Variants in MRPS2 observed in about 807,000 individuals in gnomAD.
The protein encoded by MRPS2 is small ribosomal subunit protein uS2m.
Under a neutral mutation model 18.9 loss-of-function variants are expected in MRPS2, and 13 were observed. That is an observed-to-expected ratio of 0.69 (90% CI 0.45 to 1.09). The LOEUF (loss-of-function observed/expected upper bound fraction) is 1.09. MRPS2 is among the 50% of genes least tolerant of loss of function. The pLI, the probability that MRPS2 is intolerant of heterozygous loss-of-function variation, is 0.00. For synonymous variants in MRPS2, 186 were observed against 178.4 expected (o/e 1.04, Z -0.34); for missense variants, 389 against 421.7 (o/e 0.92, Z 0.68).
chr9:135,500,695 G>A lies in MRPS2; in HGVS notation c.-16G>A, dbSNP rs1400837904. On this transcript the variant is annotated 5_prime_UTR_variant, in exon 1 of 4. Coordinates refer to ENST00000241600, the MANE Select transcript of MRPS2 (RefSeq NM_016034.5). Reference sequence around the variant, plus strand: ...CTGGCCTGGAGGGAGACCTCGCTCTGCCCCGCGTCCCAGCCATGGCGACAT... The same window carrying A: ...CTGGCCTGGAGGGAGACCTCGCTCTACCCCGCGTCCCAGCCATGGCGACAT... The A allele has an allele frequency of 1.4e-6, 2 of 1,466,822 alleles. No individual in the cohort carries two copies. The highest frequency in any genetic ancestry group is 2.8e-5 in the South Asian group (2 of 72,606). The allele number at this position is 1,466,822 out of a possible 1,614,324, so 90.9% of individuals were successfully genotyped here.
Position 135,503,973 on chromosome 9 carries a change from T to G in MRPS2, c.731T>G (p.Leu244Arg), listed in dbSNP as rs1221863078. The G allele has an allele frequency of 1.9e-6, 3 of 1,613,748 alleles. No individual in the cohort carries two copies. Among genetic ancestry groups the G allele is most frequent in the Non-Finnish European group, 2.5e-6 (3 of 1,180,032 alleles). ...YPVPGNDDSPLAVHLYCRLFQ... is the reference protein window; with the variant it reads ...YPVPGNDDSPRAVHLYCRLFQ... ...GTACCCGGCAATGACGACTCTCCGC[T>G]GGCTGTGCACCTCTACTGCAGGCTC... The change falls in exon 4 of 4, where the codon CTG (leucine) becomes CGG (arginine). Residue 244 changes from leucine to arginine, a missense_variant. Leu to Arg is a moderately radical substitution (Grantham distance 102, BLOSUM62 -2). Coordinates refer to ENST00000241600, the MANE Select transcript of MRPS2 (RefSeq NM_016034.5).
Position 135,501,402 on chromosome 9 carries a change from C to T in MRPS2, c.169+279C>T, listed in dbSNP as rs116581461. The T allele has an allele frequency of 3.7e-3, 4,665 of 1,256,220 alleles. 143 individuals carry two copies. The African/African-American group carries it at 0.061, about 17-fold the overall frequency. The allele number at this position is 1,256,220 out of a possible 1,614,324, so 77.8% of individuals were successfully genotyped here. A position where few individuals can be genotyped will look rare whatever the true frequency, so the allele number is the denominator to read the frequency against. On this transcript the variant is annotated intron_variant, in intron 2 of 3. Transcript: ENST00000241600. ...GGGGTGTCACTGGACCACCGAGGCC[C>T]GGAGCCCCGAGCTCGCCCAGGCGGG...
At chr9:135,499,969 T>C (rs1046774433), upstream of MRPS2, 10 of 1,240,984 alleles carry the variant, frequency 8.1e-6, no homozygotes, top group Non-Finnish European at 1.1e-5. Context: ...CGGGTTCCTC[T>C]GCGGGTGGGT....
chr9:135,500,571 G>A, upstream of MRPS2: 1 of 939,760 alleles, frequency 1.1e-6, no homozygotes, highest in Non-Finnish European at 1.5e-6. Flanking sequence ...CCCCCGCAGG[G>A]AGGTCCCAGC....
intron 2 of MRPS2, chr9:135,501,365 T>G: frequency 7.3e-7 from 1 of 1,369,604 alleles, no homozygotes. Flanking sequence ...AGCACAGGCT[T>G]CGCTCCCTAG....
chr9:135,501,422 G>A lies in MRPS2; in HGVS notation c.169+299G>A, dbSNP rs1191608032. The stretch of plus-strand genomic sequence containing the variant: ...AGGCCCGGAGCCCCGAGCTCGCCCA[G>A]GCGGGCCCAAGTGACCTGGGGGCAC... On this transcript the variant is annotated intron_variant, in intron 2 of 3. Transcript: ENST00000241600. 3.4e-6 allele frequency: 4 copies of A among 1,182,298 alleles called. No individual in the cohort carries two copies. In the African/African-American group the frequency reaches 6.5e-5, roughly 19 times the overall value. 73.2% of individuals were successfully genotyped at this position (1,182,298 alleles called of 1,614,324 possible). A position where few individuals can be genotyped will look rare whatever the true frequency, so the allele number is the denominator to read the frequency against.
At position 135,503,608 on chromosome 9, in the gene MRPS2, C is replaced by T. The variant is rs371813621; in HGVS notation, c.366C>T (p.Ala122=). The change falls in exon 4 of 4, where the codon GCC becomes GCT. Residue 122 remains alanine (A), a synonymous_variant. Coordinates refer to ENST00000241600, the MANE Select transcript of MRPS2 (RefSeq NM_016034.5). Reference sequence around the variant, plus strand: ...ACATCATCGACCTGGAACAGACAGCCACGCACCTCCAGCTGGCCTTGAACT... The same window carrying T: ...ACATCATCGACCTGGAACAGACAGCTACGCACCTCCAGCTGGCCTTGAACT... ...DHDIIDLEQT[A]THLQLALNFT... 19 of 1,613,674 alleles carry T rather than the reference C, an allele frequency of 1.2e-5. No homozygotes were observed. In the African/African-American group the frequency reaches 2.5e-4, roughly 22 times the overall value.
chr9:135,503,473 C>T, intron 3 of MRPS2, 69 bp from the exon 4 acceptor site: 1 of 1,496,504 alleles, frequency 6.7e-7, no homozygotes, highest in African/African-American at 1.4e-5. Context: ...CGTCTGTGTT[C>T]CTGCAAGGAG....
In MRPS2 at chr9:135,501,824, G is replaced by T; in HGVS notation, c.170-20G>T. ...TGCCACCGGTGGGAGACGCAGCGTC[G>T]CTCCTCCTCCCTGCCGTAGATTTCA... On this transcript the variant is annotated intron_variant, in intron 2 of 3. Coordinates refer to ENST00000241600, the MANE Select transcript of MRPS2 (RefSeq NM_016034.5). 1 of 1,611,926 alleles carries T rather than the reference G, an allele frequency of 6.2e-7. No homozygotes were observed. The highest frequency in any genetic ancestry group is 8.5e-7 in the Non-Finnish European group (1 of 1,179,372).
At position 135,500,752 on chromosome 9, in the gene MRPS2, G is replaced by T; in HGVS notation, c.42G>T (p.Ala14=). Residue 14 remains alanine (A), a splice_region_variant and synonymous_variant, in exon 1 of 4, where the codon GCG becomes GCT. Coordinates refer to ENST00000241600, the MANE Select transcript of MRPS2 (RefSeq NM_016034.5). ...CCGCGCTGCCCCGAATACTCGGCGC[G>T]GGTGAGCGCGCGCTTGCGGGACCCT... ...SSAALPRILG[A]GARAPSRWLG... is the part of the protein sequence containing the mutation. The T allele has an allele frequency of 1.4e-6, 2 of 1,478,542 alleles. No individual in the cohort carries two copies. The highest frequency in any genetic ancestry group is 1.4e-5 in the African/African-American group (1 of 69,404). 91.6% of individuals were successfully genotyped at this position (1,478,542 alleles called of 1,614,324 possible).
At chr9:135,501,237 G>A (rs1046010405) in intron 2 of MRPS2, 114 bp downstream of exon 2, 16 of 1,445,644 alleles carry the variant, frequency 1.1e-5, no homozygotes, top group African/African-American at 4.3e-5. Context: ...TGCGCGCTCC[G>A]CTGGGCTCCT....
At chr9:135,503,431 C>A in intron 3 of MRPS2, 111 bp from the exon 4 acceptor site, 1 of 1,393,796 alleles carries the variant, frequency 7.2e-7, no homozygotes, top group South Asian at 1.5e-5. Context: ...CCCATAGTGC[C>A]CCCACAGAGG....
At chr9:135,501,685 C>G in intron 2 of MRPS2, 159 bp from the exon 3 acceptor site, 2 of 1,447,710 alleles carry the variant, frequency 1.4e-6, no homozygotes, top group South Asian at 2.9e-5. Flanking sequence ...CTGAAAAGGT[C>G]CCTGTGCTTC....
upstream of MRPS2, chr9:135,500,594 G>A: frequency 8.5e-7 from 1 of 1,181,442 alleles, no homozygotes; most frequent in Non-Finnish European, 1.1e-6. Context: ...CCTGGGGACA[G>A]CGCTGTGGCT....
intron 2 of MRPS2, 102 bp from the exon 3 acceptor site, chr9:135,501,742 T>C: frequency 6.5e-7 from 1 of 1,539,618 alleles, no homozygotes; most frequent in Non-Finnish European, 8.7e-7. Context: ...CACCTCGGTG[T>C]CACAGAAGGC....
At position 135,503,996 on chromosome 9, in the gene MRPS2, C is replaced by T. The variant is rs779773659; in HGVS notation, c.754C>T (p.Leu252Phe). 6.2e-7 allele frequency: 1 copy of T among 1,613,612 alleles called. No individual in the cohort carries two copies. The highest frequency in any genetic ancestry group is 1.1e-5 in the South Asian group (1 of 91,088). ...GCTGGCTGTGCACCTCTACTGCAGGCTCTTCCAGACGGCCATCACCCGGGC... is the reference window on the plus strand; with the variant it reads ...GCTGGCTGTGCACCTCTACTGCAGGTTCTTCCAGACGGCCATCACCCGGGC... ...SPLAVHLYCR[L>F]FQTAITRAKE... Residue 252 changes from leucine to phenylalanine, a missense_variant, in exon 4 of 4, where the codon CTC becomes TTC. Physicochemically the swap from Leu to Phe is conservative, Grantham distance 22. Coordinates refer to ENST00000241600, the MANE Select transcript of MRPS2 (RefSeq NM_016034.5).
rs767962017 is a variant in MRPS2, at chr9:135,501,076, T to C, written c.122T>C (p.Leu41Pro). 5.0e-6 allele frequency: 8 copies of C among 1,609,738 alleles called. No individual in the cohort carries two copies. Among genetic ancestry groups the C allele is most frequent in the Admixed American group, 3.3e-5 (2 of 59,794 alleles). ...CCTGCTCGGCCGAGCCGCAGGACGC[T>C]TGGAAGCGCGACGGCCCTTATGATC... is the stretch of plus-strand genomic sequence containing the variant. ...PRPARPSRRT[L>P]GSATALMIRE... The change falls in exon 2 of 4, where the codon CTT (leucine) becomes CCT (proline). Residue 41 changes from leucine (L) to proline (P), a missense_variant. Coordinates refer to ENST00000241600, the MANE Select transcript of MRPS2 (RefSeq NM_016034.5).
In MRPS2 at chr9:135,504,046, G is replaced by T. The variant is rs1831228075; in HGVS notation, c.804G>T (p.Glu268Asp). 2 of 1,613,072 alleles carry T rather than the reference G, an allele frequency of 1.2e-6. No individual in the cohort carries two copies. Among genetic ancestry groups the T allele is most frequent in the Non-Finnish European group, 1.7e-6 (2 of 1,180,036 alleles). The change falls in exon 4 of 4, where the codon GAG becomes GAT. Residue 268 changes from glutamate (E) to aspartate (D), a missense_variant. By Grantham distance (45) the Glu-to-Asp change is conservative. Transcript: ENST00000241600. The surrounding 1 kb of genome is among the most constrained non-coding windows in gnomAD (Gnocchi z 4.3). Reference protein sequence around the residue: ...TRAKEKRQQVEALYRLQGQKE... With the variant: ...TRAKEKRQQVDALYRLQGQKE... ...CCAAGGAGAAGCGGCAGCAGGTTGAGGCTCTCTATCGCCTGCAGGGCCAGA... is the reference window on the plus strand; with the variant it reads ...CCAAGGAGAAGCGGCAGCAGGTTGATGCTCTCTATCGCCTGCAGGGCCAGA...
chr9:135,501,859 T>TCCC lies in MRPS2; in HGVS notation c.185_186insCCC (p.Ile62_Leu63insPro). 7 of 1,613,594 alleles carry TCCC rather than the reference T, an allele frequency of 4.3e-6. No individual in the cohort carries two copies. Among genetic ancestry groups the TCCC allele is most frequent in the Non-Finnish European group, 5.9e-6 (7 of 1,179,892 alleles). On this transcript the variant is annotated inframe_insertion, in exon 3 of 4. Transcript: ENST00000241600. ...CCTGCCGTAGATTTCAACGACAAGA[T>TCCC]TTTGAATGAGCCCCTCAAGCACTCT...
Sources: allele counts gnomAD v4.1 joint callset, GRCh38; gene constraint gnomAD v4.1.1; non-coding constraint Gnocchi (gnomAD v3.1); transcripts MANE v1.5; gene names NCBI Gene and HGNC (gene_info 2026-07-23, HGNC 2026-07-21).